FOCAD: variants seen among roughly 807,000 people sequenced by gnomAD.
The protein encoded by FOCAD is focadhesin.
In FOCAD, 198 loss-of-function variants were observed where a neutral mutation model predicts 225.6. That is an observed-to-expected ratio of 0.88 (90% CI 0.78 to 0.99). FOCAD has a LOEUF of 0.99. Among genes scored for constraint, FOCAD ranks in the 50% least tolerant of loss-of-function variants. FOCAD has a pLI of 0.00. For missense variants in FOCAD, 2,713 were observed against 2,123.6 expected (o/e 1.28, Z -5.46); for synonymous variants, 897 against 755.0 (o/e 1.19, Z -3.08).
chr9:20,888,241 C>T (rs1418601672), intron 21 of FOCAD, among the ~76,000 whole-genome samples: 3 of 149,494 alleles, frequency 2.0e-5, no homozygotes, highest in East Asian at 2.0e-4. Context: ...TGGGCTCAAG[C>T]GATTCTCCCA....
rs188981443 is a variant in FOCAD at position 20,843,712 on chromosome 9, A to G, written c.1921-18866A>G. ...TCTTTGTATTTTGATCTTTCTTTCT[A>G]CCTCCTCTAGGATTTTCCTTAGATT... On this transcript the variant is annotated intron_variant, in intron 15 of 43. Transcript: ENST00000338382. Among the ~76,000 whole-genome samples, 213 of 151,654 alleles carry G rather than the reference A, an allele frequency of 1.4e-3. No individual in the cohort carries two copies. In the Middle Eastern group the frequency reaches 0.017, roughly 12 times the overall value.
intron 6 of FOCAD, among the ~76,000 whole-genome samples, chr9:20,763,552 C>T (rs560508817): frequency 3.9e-4 from 59 of 152,142 alleles, no homozygotes; most frequent in African/African-American, 1.4e-3. Context: ...CAAGGAAGGA[C>T]CTGAGAAAGT....
At chr9:20,862,985 A>T (rs893079061) in intron 16 of FOCAD, 1 of 247,818 alleles carries the variant, frequency 4.0e-6, no homozygotes, top group Non-Finnish European at 7.6e-6. Flanking sequence ...AAATAATAGA[A>T]TTCATAAAGC....
intron 2 of FOCAD, among the ~76,000 whole-genome samples, chr9:20,664,909 A>G (rs1821851882): frequency 6.6e-6 from 1 of 152,086 alleles, no homozygotes; most frequent in Non-Finnish European, 1.5e-5. Context: ...ATTTTTCAAA[A>G]TACCAGTTTT....
intron 19 of FOCAD, among the ~76,000 whole-genome samples, chr9:20,877,182 A>G (rs1430282485): frequency 6.6e-6 from 1 of 152,122 alleles, no homozygotes. Context: ...TATAAACTTA[A>G]GGGATTAGCT....
upstream of FOCAD, chr9:20,684,149 G>A (rs557002699): frequency 9.6e-4 from 146 of 152,344 alleles, no homozygotes; most frequent in African/African-American, 3.0e-3. Context: ...GGGGAGGGCG[G>A]GCCCCAGCCG....
At chr9:20,799,005 A>C (rs912112071) in intron 11 of FOCAD, among the ~76,000 whole-genome samples, 1 of 152,150 alleles carries the variant, frequency 6.6e-6, no homozygotes, top group African/African-American at 2.4e-5. Context: ...ATTTCCCTGT[A>C]CACACTGCTT....
chr9:20,835,673 C>G (rs1825923089), intron 15 of FOCAD, among the ~76,000 whole-genome samples: 1 of 152,064 alleles, frequency 6.6e-6, no homozygotes, highest in Non-Finnish European at 1.5e-5. Context: ...AAAATCAATA[C>G]ATTGTTCTGA....
Position 20,993,304 on chromosome 9 carries a change from G to A in FOCAD, c.5308G>A (p.Ala1770Thr). ...GGAAAGCCCTAAAGAAGCCCTCTCAGCACAGTCCAGGGATCTTTTGAAAGG... is the reference window on the plus strand; with the variant it reads ...GGAAAGCCCTAAAGAAGCCCTCTCAACACAGTCCAGGGATCTTTTGAAAGG... The part of the protein sequence containing the change: ...IMESPKEALS[A>T]QSRDLLKATL... The change falls in exon 43 of 44, where the codon GCA (alanine) becomes ACA (threonine). Residue 1770 changes from alanine (A) to threonine (T), a missense_variant. Physicochemically the swap from Ala to Thr is moderately conservative, Grantham distance 58. Transcript: ENST00000338382. 1.2e-6 allele frequency: 2 copies of A among 1,613,860 alleles called. No individual in the cohort carries two copies. The highest frequency in any genetic ancestry group is 1.7e-6 in the Non-Finnish European group (2 of 1,179,824).
intron 22 of FOCAD, among the ~76,000 whole-genome samples, chr9:20,907,565 C>T (rs971122458): frequency 2.0e-5 from 3 of 152,002 alleles, no homozygotes; most frequent in African/African-American, 7.2e-5. Flanking sequence ...CATTGTCTTC[C>T]ATTATACCTG....
At chr9:20,754,282 A>C (rs1336130047) in intron 5 of FOCAD, among the ~76,000 whole-genome samples, 1 of 152,194 alleles carries the variant, frequency 6.6e-6, no homozygotes. Context: ...AAATGCTTTA[A>C]TTATAATTTT....
At chr9:20,907,119 C>G (rs1242120637) in intron 21 of FOCAD, 31 bp from the exon 22 acceptor site, 19 of 1,489,410 alleles carry the variant, frequency 1.3e-5, no homozygotes, top group Non-Finnish European at 1.7e-5. Context: ...TACTGTGTAG[C>G]CTAATATGTT....
chr9:20,916,792 C>A, intron 23 of FOCAD, 101 bp from the exon 24 acceptor site: 1 of 1,032,512 alleles, frequency 9.7e-7, no homozygotes, highest in Non-Finnish European at 1.4e-6. Flanking sequence ...GTTTTAAGAT[C>A]TGGAGCCATT....
At chr9:20,914,927 AT>A (rs1327241292) in intron 23 of FOCAD, among the ~76,000 whole-genome samples, 1 of 152,216 alleles carries the variant, frequency 6.6e-6, no homozygotes, top group African/African-American at 2.4e-5. Context: ...TTTTGAATCT[AT>A]TTTAAGGCAG....
chr9:20,910,339 G>A (rs1439414943), intron 22 of FOCAD, among the ~76,000 whole-genome samples: 3 of 152,026 alleles, frequency 2.0e-5, no homozygotes, highest in Admixed American at 6.6e-5. Context: ...ACCTCAAACA[G>A]GAGAGAGGTA....
chr9:20,956,086 G>C (rs540665473), intron 35 of FOCAD, among the ~76,000 whole-genome samples: 1 of 152,240 alleles, frequency 6.6e-6, no homozygotes, highest in East Asian at 1.9e-4. Flanking sequence ...TCTTGATATG[G>C]GCTAATTGGT....
At chr9:20,987,235 G>T (rs1354368153) in intron 40 of FOCAD, among the ~76,000 whole-genome samples, 3 of 152,126 alleles carry the variant, frequency 2.0e-5, no homozygotes, top group Non-Finnish European at 4.4e-5. Flanking sequence ...GTAATACTCT[G>T]CAAGACTGTA....
intron 11 of FOCAD, among the ~76,000 whole-genome samples, chr9:20,816,549 G>A (rs1023916609): frequency 4.0e-5 from 6 of 151,768 alleles, no homozygotes; most frequent in African/African-American, 1.5e-4. Context: ...TGCTGCTGTG[G>A]TATATCGTGG....
intron 35 of FOCAD, among the ~76,000 whole-genome samples, chr9:20,954,346 C>G (rs1444738662): frequency 6.6e-6 from 1 of 152,028 alleles, no homozygotes; most frequent in African/African-American, 2.4e-5. Context: ...CAAACTAGTG[C>G]TAGGAATACA....
Sources: gnomAD v4.1 joint callset for allele counts (sites outside exome capture counted in the v4.1 genomes callset) on GRCh38, gnomAD v4.1.1 for gene constraint, MANE v1.5 for transcripts, NCBI Gene and HGNC (gene_info 2026-07-23, HGNC 2026-07-21) for gene names.